ATP9B: variants seen among roughly 807,000 people sequenced by gnomAD.
ATP9B encodes the protein probable phospholipid-transporting ATPase IIB.
Under a neutral mutation model 146.1 loss-of-function variants are expected in ATP9B, and 110 were observed. That is an observed-to-expected ratio of 0.75 (90% CI 0.65 to 0.88). The LOEUF (loss-of-function observed/expected upper bound fraction) is 0.88. ATP9B is among the 40% of genes least tolerant of loss of function. ATP9B has a pLI of 0.00. For missense variants in ATP9B, 1,499 were observed against 1,496.4 expected, an observed-to-expected ratio of 1.00 and a Z score of -0.03; for synonymous variants, 604 against 569.7, an observed-to-expected ratio of 1.06 and a Z score of -0.86.
At chr18:79,314,181 A>G (rs1361045815) in intron 15 of ATP9B, among the ~76,000 whole-genome samples, 1 of 152,204 alleles carries the variant, frequency 6.6e-6, no homozygotes, top group Non-Finnish European at 1.5e-5. Flanking sequence ...AATAAGCAAC[A>G]TTATCATTTG....
At chr18:79,124,675 G>C (rs1270014858) in intron 4 of ATP9B, among the ~76,000 whole-genome samples, 1 of 152,224 alleles carries the variant, frequency 6.6e-6, no homozygotes, top group African/African-American at 2.4e-5. Flanking sequence ...GCAATATTGA[G>C]TGGGGGACAA....
intron 11 of ATP9B, among the ~76,000 whole-genome samples, chr18:79,240,508 G>GT (rs1568472674): frequency 6.6e-6 from 1 of 152,238 alleles, no homozygotes; most frequent in East Asian, 1.9e-4. Context: ...CACTTTGGGA[G>GT]GCTGAGGCAG....
intron 25 of ATP9B, among the ~76,000 whole-genome samples, chr18:79,355,736 C>G (rs1040197741): frequency 6.6e-6 from 1 of 152,190 alleles, no homozygotes; most frequent in Admixed American, 6.5e-5. Context: ...GTGAAAACCT[C>G]CCAGATTTGG....
In ATP9B at chr18:79,327,588, TTAACGTGCCCTCCGTGG is replaced by T. The variant is rs2096759402; in HGVS notation, c.1774-1551_1774-1535del. Among the ~76,000 whole-genome samples, 14 of 132,594 alleles carry T rather than the reference TTAACGTGCCCTCCGTGG, an allele frequency of 1.1e-4. 1 individual carries two copies. The highest frequency in any genetic ancestry group is 3.0e-4 in the Admixed American group (4 of 13,328). The allele number at this position is 132,594 out of a possible 152,430, so 87.0% of individuals were successfully genotyped here. A position where few individuals can be genotyped will look rare whatever the true frequency, so the allele number is the denominator to read the frequency against. On this transcript the variant is annotated intron_variant, in intron 15 of 29. Coordinates refer to ENST00000426216, the MANE Select transcript of ATP9B (RefSeq NM_198531.5). ...TCCGTGGTTAGCGTGCTCTCCGTGG[TTAACGTGCCCTCCGTGG>T]TTAGCGTGCCCTCCCTGGTTAGTGT... is the stretch of plus-strand genomic sequence containing the variant.
At chr18:79,368,229 A>C (rs2097047126) in intron 26 of ATP9B, among the ~76,000 whole-genome samples, 1 of 152,232 alleles carries the variant, frequency 6.6e-6, no homozygotes, top group Admixed American at 6.5e-5. Context: ...GAAAGTCTTC[A>C]ATTTTCCTAG....
chr18:79,350,075 T>C (rs1479978157), intron 25 of ATP9B, among the ~76,000 whole-genome samples: 1 of 152,178 alleles, frequency 6.6e-6, no homozygotes, highest in African/African-American at 2.4e-5. Context: ...GGCCAGACTC[T>C]GGCGGATTCT....
intron 1 of ATP9B, chr18:79,078,132 C>G (rs1420683687): frequency 1.3e-5 from 2 of 152,372 alleles, no homozygotes; most frequent in African/African-American, 4.8e-5. Flanking sequence ...GTCCAGGCTT[C>G]ACGCACTCTT....
At chr18:79,211,592 T>G (rs1476756132) in intron 10 of ATP9B, among the ~76,000 whole-genome samples, 1 of 152,220 alleles carries the variant, frequency 6.6e-6, no homozygotes, top group Non-Finnish European at 1.5e-5. Flanking sequence ...TTTTTACCTG[T>G]AGTCAATTTG....
chr18:79,281,712 ATTAGAGTAG>A (rs1036351321), intron 13 of ATP9B, among the ~76,000 whole-genome samples: 3 of 152,180 alleles, frequency 2.0e-5, no homozygotes, highest in African/African-American at 7.2e-5. Flanking sequence ...TCCTAAAACC[ATTAGAGTAG>A]TTTTTAAAAA....
At chr18:79,084,555 A>G (rs540305601) in intron 1 of ATP9B, among the ~76,000 whole-genome samples, 1 of 152,228 alleles carries the variant, frequency 6.6e-6, no homozygotes, top group African/African-American at 2.4e-5. Flanking sequence ...AAAAAAATGT[A>G]AGCGTATTGT....
In ATP9B at chr18:79,308,723, C is replaced by T. The variant is rs1216616119; in HGVS notation, c.1773+1489C>T. On this transcript the variant is annotated intron_variant, in intron 15 of 29. Transcript: ENST00000426216. ...GAAGGTCAGGGGTGGTGGAGTGATCCCCAGCAGGTAGAAGGTCAGGGGCTG... is the reference window on the plus strand; with the variant it reads ...GAAGGTCAGGGGTGGTGGAGTGATCTCCAGCAGGTAGAAGGTCAGGGGCTG... Among the ~76,000 whole-genome samples, 46 of 117,480 alleles carry T rather than the reference C, an allele frequency of 3.9e-4. 1 individual carries two copies. The highest frequency in any genetic ancestry group is 1.4e-3 in the African/African-American group (41 of 28,654). The allele number at this position is 117,480 out of a possible 152,430, so 77.1% of individuals were successfully genotyped here.
chr18:79,215,347 C>T (rs7244634), intron 11 of ATP9B, among the ~76,000 whole-genome samples: 117,283 of 152,008 alleles, frequency 0.77, 45,673 homozygotes, highest in African/African-American at 0.84. Flanking sequence ...GCCTTGAGAA[C>T]GCCCTTAGCT....
chr18:79,120,522 A>G (rs574349983), intron 4 of ATP9B, among the ~76,000 whole-genome samples: 1 of 152,302 alleles, frequency 6.6e-6, no homozygotes, highest in Admixed American at 6.5e-5. Context: ...CTTCCCATAT[A>G]ATAGAAGTGT....
intron 1 of ATP9B, among the ~76,000 whole-genome samples, chr18:79,073,905 T>C (rs2072289104): frequency 6.6e-6 from 1 of 152,246 alleles, no homozygotes. Context: ...CGGTGTCATG[T>C]GATTGCCTTT....
At chr18:79,150,106 C>T (rs993333854) in intron 6 of ATP9B, among the ~76,000 whole-genome samples, 4 of 151,822 alleles carry the variant, frequency 2.6e-5, no homozygotes, top group Non-Finnish European at 5.9e-5. Flanking sequence ...AAAATAAACA[C>T]ATGAGCAGGA....
intron 17 of ATP9B, among the ~76,000 whole-genome samples, chr18:79,334,799 G>A (rs1160945128): frequency 5.0e-5 from 7 of 140,644 alleles, no homozygotes; most frequent in East Asian, 2.3e-4. Context: ...CCCTTGTGCC[G>A]GATAGGAGAC....
chr18:79,161,185 ATAATCTATTGTGTTAAC>A (rs56804818), intron 7 of ATP9B, among the ~76,000 whole-genome samples: 20,515 of 152,238 alleles, frequency 0.13, 1,463 homozygotes, highest in East Asian at 0.2. Context: ...CTCAAATGAG[ATAATCTATTGTGTTAAC>A]CTTGGATAAA....
At position 79,227,490 on chromosome 18, in the gene ATP9B, A is replaced by AT. The variant is rs2095747951; in HGVS notation, c.1107+13453dup. Among the ~76,000 whole-genome samples, 4 of 152,088 alleles carry AT rather than the reference A, an allele frequency of 2.6e-5. No homozygotes were observed. The South Asian group carries it at 8.3e-4, about 32-fold the overall frequency. On this transcript the variant is annotated intron_variant, in intron 11 of 29. Transcript: ENST00000426216. ...TGAGTGGGTAGATGAGTAGGTAAGT[A>AT]TATAGGTGGATGGGTAGATGGATGG...
chr18:79,154,991 A>G (rs2147639062), intron 7 of ATP9B, among the ~76,000 whole-genome samples: 1 of 152,366 alleles, frequency 6.6e-6, no homozygotes, highest in Admixed American at 6.5e-5. Context: ...TAGGTATCCA[A>G]TGAGTGTTTT....
Sources: allele counts gnomAD v4.1 joint callset (sites outside exome capture counted in the v4.1 genomes callset), GRCh38; gene constraint gnomAD v4.1.1; transcripts MANE v1.5; gene names NCBI Gene and HGNC (gene_info 2026-07-23, HGNC 2026-07-21).